Variants in USP9X observed in about 807,000 individuals in gnomAD.
USP9X encodes ubiquitin carboxyl-terminal hydrolase 9X.
Under a neutral mutation model 190.3 loss-of-function variants are expected in USP9X, and 7 were observed. The ratio of observed to expected loss-of-function variants is 0.04; its 90% CI spans 0.02 to 0.07. The LOEUF is 0.07. Ranked by LOEUF, USP9X falls within the 10% of genes least tolerant of loss-of-function variation. The probability of loss-of-function intolerance (pLI) is 1.00; values close to 1 mark genes in which losing one functional copy is unlikely to be tolerated. For missense variants in USP9X, 1,010 were observed against 1,916.9 expected, an observed-to-expected ratio of 0.53 and a Z score of 8.83; for synonymous variants, 645 against 659.5, an observed-to-expected ratio of 0.98 and a Z score of 0.34.
At chrX:41,150,447 T>C (rs1388703533) in intron 12 of USP9X, among the ~76,000 whole-genome samples, 1 of 112,312 alleles carries the variant, frequency 8.9e-6, no homozygotes, top group African/African-American at 3.2e-5. Context: ...GTAGTTGTCA[T>C]TCTATTTATT....
Position 41,121,692 on chromosome X carries a change from C to T in USP9X, c.-158-1779C>T, listed in dbSNP as rs115994749. On this transcript the variant is annotated intron_variant, in intron 1 of 44. Transcript: ENST00000378308. The stretch of plus-strand genomic sequence containing the variant: ...TCAGTTAAGTTTCTCTATCTGGTGG[C>T]ACCTTAGAGTCATTCACTGGGGGAG... Among the ~76,000 whole-genome samples the T allele has an allele frequency of 7.4e-3, 822 of 111,405 alleles. 4 individuals are homozygous for T. The highest frequency in any genetic ancestry group is 0.025 in the African/African-American group (751 of 30,649).
rs747562311 is a variant in USP9X at position 41,085,751 on chromosome X, C to T, written c.-517C>T. The stretch of plus-strand genomic sequence containing the variant: ...GGCGACTAGGGGAAGGTGAAGCCGT[C>T]GCTGCAGGAGGAGGAGCAGGAGGAG... On this transcript the variant is annotated 5_prime_UTR_variant, in exon 1 of 45. Transcript: ENST00000378308. 204 of 297,410 alleles carry T rather than the reference C, an allele frequency of 6.9e-4. No individual in the cohort carries two copies. Among genetic ancestry groups the T allele is most frequent in the Non-Finnish European group, 3.2e-4 (54 of 171,042 alleles). 24.5% of individuals were successfully genotyped at this position (297,410 alleles called of 1,213,427 possible). A position where few individuals can be genotyped will look rare whatever the true frequency, so the allele number is the denominator to read the frequency against.
chrX:41,224,108 G>A (rs1288402538), intron 39 of USP9X, among the ~76,000 whole-genome samples: 6 of 109,969 alleles, frequency 5.5e-5, no homozygotes, highest in African/African-American at 2.0e-4. Context: ...TCAGGAGACT[G>A]AAGTGGGAGA....
At position 41,160,317 on chromosome X, in the gene USP9X, T is replaced by C. The variant is rs1321268934; in HGVS notation, c.1898-2473T>C. Among the ~76,000 whole-genome samples the C allele has an allele frequency of 7.3e-5, 8 of 109,001 alleles. No homozygotes were observed. The Admixed American group carries it at 7.9e-4, about 11-fold the overall frequency. The allele number at this position is 109,001 out of a possible 115,157, so 94.7% of individuals were successfully genotyped here. A position where few individuals can be genotyped will look rare whatever the true frequency, so the allele number is the denominator to read the frequency against. ...TACTACTAAACTACCAATTTATATA[T>C]ATACATATATATATATATAAATTTG... On this transcript the variant is annotated intron_variant, in intron 14 of 44. Coordinates refer to ENST00000378308, the MANE Select transcript of USP9X (RefSeq NM_001039591.3).
chrX:41,097,286 G>A (rs113784702), intron 1 of USP9X, among the ~76,000 whole-genome samples: 34 of 112,270 alleles, frequency 3.0e-4, no homozygotes, highest in African/African-American at 1.1e-3. Context: ...TATTTTTTCC[G>A]AATTGAAGAT....
rs779243328 is a variant in USP9X, at chrX:41,183,083, C to T, written c.3149-915C>T. Among the ~76,000 whole-genome samples, 112 of 109,895 alleles carry T rather than the reference C, an allele frequency of 1.0e-3. 2 individuals carry two copies. In the Middle Eastern group the frequency reaches 0.028, roughly 28 times the overall value. ...CGTCCCGAATAGCTGGGATTACAGGCGCATGCCACCACGCCCGGCTGGTTT... is the reference window on the plus strand; with the variant it reads ...CGTCCCGAATAGCTGGGATTACAGGTGCATGCCACCACGCCCGGCTGGTTT... On this transcript the variant is annotated intron_variant, in intron 21 of 44. Transcript: ENST00000378308.
chrX:41,195,059 A>G (rs1300655025), intron 26 of USP9X, among the ~76,000 whole-genome samples: 1 of 87,025 alleles, frequency 1.1e-5, no homozygotes, highest in Non-Finnish European at 2.2e-5. Context: ...TTTTTTGGAG[A>G]TGGATTCTTG....
chrX:41,198,018 A>T (rs2063003321), intron 29 of USP9X, among the ~76,000 whole-genome samples: 1 of 111,967 alleles, frequency 8.9e-6, no homozygotes, highest in Non-Finnish European at 1.9e-5. Context: ...CTGTCTCAAA[A>T]TAAATAGATA....
chrX:41,219,933 C>T (rs1178851315), intron 38 of USP9X, among the ~76,000 whole-genome samples: 3 of 111,839 alleles, frequency 2.7e-5, no homozygotes, highest in Non-Finnish European at 3.8e-5. Context: ...TGCAGTGACC[C>T]GTGATTGCAC....
chrX:41,137,976 T>C (rs899185021), intron 6 of USP9X, among the ~76,000 whole-genome samples: 2 of 111,568 alleles, frequency 1.8e-5, no homozygotes, highest in Non-Finnish European at 3.8e-5. Context: ...AATTTTTAGA[T>C]GACTTCTGGT....
intron 9 of USP9X, among the ~76,000 whole-genome samples, chrX:41,141,906 C>G (rs893716711): frequency 1.8e-5 from 2 of 111,843 alleles, no homozygotes; most frequent in African/African-American, 6.5e-5. Flanking sequence ...CTTATTTTGA[C>G]ATTGAAATTT....
At chrX:41,098,324 G>A (rs1008277114) in intron 1 of USP9X, among the ~76,000 whole-genome samples, 4 of 110,004 alleles carry the variant, frequency 3.6e-5, no homozygotes, top group Non-Finnish European at 7.6e-5. Flanking sequence ...ATTTTTAGTA[G>A]AGATGGAGTT....
At chrX:41,198,414 AATGAGAT>A in intron 29 of USP9X, 107 bp from the exon 30 acceptor site, 3 of 392,904 alleles carry the variant, frequency 7.6e-6, no homozygotes, top group South Asian at 6.1e-5. Flanking sequence ...TCTGAGATGT[AATGAGAT>A]CTTAAATTCC....
At position 41,168,095 on chromosome X, in the gene USP9X, A is replaced by G. The variant is rs1013658283; in HGVS notation, c.2513A>G (p.Asp838Gly). The G allele has an allele frequency of 8.3e-7, 1 of 1,211,611 alleles. No homozygotes were observed. Among genetic ancestry groups the G allele is most frequent in the African/African-American group, 1.7e-5 (1 of 57,857 alleles). The change falls in exon 18 of 45, where the codon GAC becomes GGC. Residue 838 changes from aspartate (D) to glycine (G), a missense_variant. Transcript: ENST00000378308. The stretch of plus-strand genomic sequence containing the variant: ...TTGTGTGTTTTGGATGGTGACAAAG[A>G]CAGTGTTAATTGTGCAAGACAGGAA... ...DTLCVLDGDK[D>G]SVNCARQEAV...
intron 1 of USP9X, among the ~76,000 whole-genome samples, chrX:41,121,629 C>G: frequency 9.0e-6 from 1 of 111,663 alleles, no homozygotes; most frequent in Middle Eastern, 4.6e-3. Flanking sequence ...TGTGGGAAGT[C>G]TCTCTCAATC....
At chrX:41,140,850 G>T (rs990574508) in intron 7 of USP9X, 79 bp downstream of exon 7, 1 of 1,083,754 alleles carries the variant, frequency 9.2e-7, no homozygotes, top group African/African-American at 1.9e-5. Flanking sequence ...AGTTTTTCAA[G>T]TGTGGTTTCT....
chrX:41,183,552 G>A (rs1224518128), intron 21 of USP9X, among the ~76,000 whole-genome samples: 1 of 111,785 alleles, frequency 8.9e-6, no homozygotes, highest in Non-Finnish European at 1.9e-5. Flanking sequence ...TGCTTTTTAG[G>A]GTTCATTTTC....
intron 30 of USP9X, among the ~76,000 whole-genome samples, chrX:41,199,132 C>T (rs1026500673): frequency 7.3e-5 from 8 of 109,654 alleles, no homozygotes; most frequent in Admixed American, 9.7e-5. Flanking sequence ...TGCAGTGAGC[C>T]GAGATCGCGC....
rs752490988 is a variant in USP9X, at chrX:41,134,714, C to G, written c.323-11C>G. The G allele has an allele frequency of 3.3e-6, 4 of 1,195,968 alleles. No homozygotes were observed. The Admixed American group carries it at 8.8e-5, about 26-fold the overall frequency. On this transcript the variant is annotated splice_polypyrimidine_tract_variant and intron_variant, in intron 4 of 44. Transcript: ENST00000378308. ...ATTTTGTTTGCATTAATTTTTCTCC[C>G]TTTTTCTTAGGCCTTGATGTTAAAA...
Sources: gnomAD v4.1 joint callset for allele counts (sites outside exome capture counted in the v4.1 genomes callset) on GRCh38, gnomAD v4.1.1 for gene constraint, MANE v1.5 for transcripts, NCBI Gene and HGNC (gene_info 2026-07-23, HGNC 2026-07-21) for gene names.